CSMD2: variants seen among roughly 807,000 people sequenced by gnomAD.
CSMD2 encodes CUB and Sushi multiple domains 2.
A neutral mutation model predicts 398.5 loss-of-function variants in CSMD2; 130 were observed. The ratio of observed to expected loss-of-function variants is 0.33; its 90% CI spans 0.28 to 0.38. CSMD2 has a LOEUF of 0.38. CSMD2 is among the 10% of genes least tolerant of loss of function. The pLI, the probability that CSMD2 is intolerant of heterozygous loss-of-function variation, is 1.00. For missense variants in CSMD2, 3,829 were observed against 4,764.9 expected (o/e 0.80, Z 5.78); for synonymous variants, 1,828 against 1,908.5 (o/e 0.96, Z 1.10).
Position 33,935,944 on chromosome 1 carries a change from G to T in CSMD2, c.528C>A (p.Ser176Arg). The T allele has an allele frequency of 6.2e-7, 1 of 1,610,250 alleles. No individual in the cohort carries two copies. Among genetic ancestry groups the T allele is most frequent in the South Asian group, 1.1e-5 (1 of 90,406 alleles). The change falls in exon 4 of 71, where the codon AGC becomes AGA. Residue 176 changes from serine (S) to arginine (R), a missense_variant. By Grantham distance (110) the Ser-to-Arg change is moderately radical. Coordinates refer to ENST00000373381, the MANE Select transcript of CSMD2 (RefSeq NM_001281956.2). ...GFHATYEVLP[S>R]HTCGNPGRLP... Reference sequence around the variant, plus strand: ...GCCTCCCTGGGTTCCCACATGTGTGGCTGGGGAGAACTGTGAGGAGAAACA... The same window carrying T: ...GCCTCCCTGGGTTCCCACATGTGTGTCTGGGGAGAACTGTGAGGAGAAACA...
chr1:34,003,618 A>G (rs1646968664), intron 3 of CSMD2, among the ~76,000 whole-genome samples: 2 of 152,148 alleles, frequency 1.3e-5, no homozygotes, highest in Non-Finnish European at 2.9e-5. Context: ...CTTTGCTGGC[A>G]TGGATTAGGT....
chr1:33,751,244 A>G (rs181636164), intron 13 of CSMD2, among the ~76,000 whole-genome samples: 1 of 152,258 alleles, frequency 6.6e-6, no homozygotes, highest in Non-Finnish European at 1.5e-5. Context: ...TTTTGAGAGA[A>G]AGGGGACTGG....
intron 5 of CSMD2, among the ~76,000 whole-genome samples, chr1:33,848,127 C>T (rs1638416574): frequency 6.6e-6 from 1 of 152,154 alleles, no homozygotes; most frequent in Non-Finnish European, 1.5e-5. Context: ...CTATGTGAAA[C>T]AGTCATTCAT....
At chr1:34,037,292 T>G (rs898561564) in intron 2 of CSMD2, among the ~76,000 whole-genome samples, 4 of 151,954 alleles carry the variant, frequency 2.6e-5, no homozygotes, top group Admixed American at 2.6e-4. Flanking sequence ...CAGCCTGTAT[T>G]GCACCCTCCC....
intron 5 of CSMD2, among the ~76,000 whole-genome samples, chr1:33,855,761 G>A (rs2125100415): frequency 6.6e-6 from 1 of 152,238 alleles, no homozygotes; most frequent in East Asian, 1.9e-4. Context: ...ATCAGGCTTG[G>A]CCCAGAAACA....
chr1:33,742,584 C>CCA (rs1557824935), intron 14 of CSMD2, among the ~76,000 whole-genome samples: 3 of 139,096 alleles, frequency 2.2e-5, no homozygotes, highest in South Asian at 2.6e-4. Flanking sequence ...TCTGCCCCCC[C>CCA]CCCCCCAACC....
intron 5 of CSMD2, among the ~76,000 whole-genome samples, chr1:33,910,836 C>T (rs751803633): frequency 7.9e-5 from 12 of 152,208 alleles, no homozygotes; most frequent in Non-Finnish European, 1.8e-4. Flanking sequence ...CTTGATCCAG[C>T]ACTGCCTGAA....
At chr1:33,553,812 C>T (rs1362006224) in intron 55 of CSMD2, among the ~76,000 whole-genome samples, 1 of 152,130 alleles carries the variant, frequency 6.6e-6, no homozygotes, top group Admixed American at 6.5e-5. Context: ...TTGTAGGGGG[C>T]TGTCCTGTGC....
rs527574557 is a variant in CSMD2, at chr1:33,983,019, G to A, written c.518-47065C>T. Among the ~76,000 whole-genome samples, 9 of 152,304 alleles carry A rather than the reference G, an allele frequency of 5.9e-5. No individual in the cohort carries two copies. In the South Asian group the frequency reaches 1.9e-3, roughly 32 times the overall value. ...GAAGGCAGGGTGTGAGCAGAGACCT[G>A]CAGGATCAGGGGAGTGGGGACCCAG... On this transcript the variant is annotated intron_variant, in intron 3 of 70. Transcript: ENST00000373381.
intron 3 of CSMD2, among the ~76,000 whole-genome samples, chr1:34,012,997 G>T (rs1285240481): frequency 6.6e-6 from 1 of 152,128 alleles, no homozygotes; most frequent in Non-Finnish European, 1.5e-5. Context: ...GTGAACCAAC[G>T]ATTAGCCTTT....
At chr1:33,989,704 C>T (rs1185866002) in intron 3 of CSMD2, among the ~76,000 whole-genome samples, 2 of 152,144 alleles carry the variant, frequency 1.3e-5, no homozygotes, top group East Asian at 3.8e-4. Context: ...AATCTCATCA[C>T]TGTTATACTG....
intron 3 of CSMD2, among the ~76,000 whole-genome samples, chr1:34,016,722 C>A (rs1648167591): frequency 6.6e-6 from 1 of 152,010 alleles, no homozygotes; most frequent in South Asian, 2.1e-4. Context: ...TGATAGACTG[C>A]ATAAAGAAAC....
At chr1:33,811,999 G>A (rs1420840126) in intron 9 of CSMD2, among the ~76,000 whole-genome samples, 1 of 152,170 alleles carries the variant, frequency 6.6e-6, no homozygotes, top group East Asian at 1.9e-4. Flanking sequence ...TCCTTGCCAT[G>A]TGTGGAAAGG....
At chr1:34,158,333 T>C (rs1640996425) in intron 1 of CSMD2, among the ~76,000 whole-genome samples, 1 of 152,206 alleles carries the variant, frequency 6.6e-6, no homozygotes, top group South Asian at 2.1e-4. Flanking sequence ...CACCCCGATG[T>C]TCCCCTGTTG....
At chr1:33,925,218 A>AT (rs1644084471) in intron 4 of CSMD2, among the ~76,000 whole-genome samples, 1 of 151,982 alleles carries the variant, frequency 6.6e-6, no homozygotes, top group African/African-American at 2.4e-5. Flanking sequence ...TTTTAAGTTG[A>AT]TTTTTGTATA....
chr1:33,897,730 G>A (rs1435205486), intron 5 of CSMD2, among the ~76,000 whole-genome samples: 1 of 152,206 alleles, frequency 6.6e-6, no homozygotes, highest in Non-Finnish European at 1.5e-5. Flanking sequence ...ATGGGGAGCG[G>A]CAACAGCTCA....
intron 1 of CSMD2, among the ~76,000 whole-genome samples, chr1:34,089,722 T>C (rs1282415750): frequency 6.6e-6 from 1 of 152,146 alleles, no homozygotes; most frequent in Non-Finnish European, 1.5e-5. Context: ...TCCATCTAAA[T>C]GGACTCTTGC....
At chr1:34,155,248 C>T (rs1270364037) in intron 1 of CSMD2, among the ~76,000 whole-genome samples, 2 of 152,152 alleles carry the variant, frequency 1.3e-5, no homozygotes, top group Non-Finnish European at 1.5e-5. Context: ...AAACAGAAAA[C>T]GTCAACTGTG....
chr1:33,544,102 C>CTTTTTTTTTT (rs57678063), intron 57 of CSMD2, among the ~76,000 whole-genome samples: 2 of 89,368 alleles, frequency 2.2e-5, no homozygotes, highest in African/African-American at 4.7e-5. Flanking sequence ...CCATATTTGT[C>CTTTTTTTTTT]TTTTTTTTTT....
Sources: allele counts gnomAD v4.1 joint callset (sites outside exome capture counted in the v4.1 genomes callset), GRCh38; gene constraint gnomAD v4.1.1; transcripts MANE v1.5; gene names NCBI Gene and HGNC (gene_info 2026-07-23, HGNC 2026-07-21).